RRAGC: variants seen among roughly 807,000 people sequenced by gnomAD.
RRAGC encodes the protein Ras related GTP binding C.
A neutral mutation model predicts 37.1 loss-of-function variants in RRAGC; 8 were observed. That is an observed-to-expected ratio of 0.22 (90% CI 0.13 to 0.39). RRAGC has a LOEUF of 0.39. Ranked by LOEUF, RRAGC falls within the 10% of genes least tolerant of loss-of-function variation. The pLI, the probability that RRAGC is intolerant of heterozygous loss-of-function variation, is 1.00. For missense variants in RRAGC, 342 were observed against 497.6 expected (o/e 0.69, Z 2.98); for synonymous variants, 190 against 181.1 (o/e 1.05, Z -0.39).
intron 6 of RRAGC, among the ~76,000 whole-genome samples, chr1:38,843,591 G>A (rs1264723974): frequency 6.6e-6 from 1 of 151,896 alleles, no homozygotes; most frequent in African/African-American, 2.4e-5. Context: ...GTGGTGGCAG[G>A]CATGTGTAGT....
intron 1 of RRAGC, 47 bp downstream of exon 1, chr1:38,859,363 C>A: frequency 1.3e-6 from 2 of 1,519,866 alleles, no homozygotes; most frequent in Non-Finnish European, 1.8e-6. Context: ...CTACCGGCCA[C>A]CTGAGAACCG....
intron 3 of RRAGC, among the ~76,000 whole-genome samples, chr1:38,854,196 T>C (rs1642139500): frequency 6.6e-6 from 1 of 151,248 alleles, no homozygotes; most frequent in African/African-American, 2.4e-5. Flanking sequence ...GCCTCCCAAG[T>C]AGCTGGGACT....
chr1:38,842,693 G>T (rs1425290086), intron 6 of RRAGC, among the ~76,000 whole-genome samples: 1 of 152,148 alleles, frequency 6.6e-6, no homozygotes, highest in Non-Finnish European at 1.5e-5. Flanking sequence ...TTCTCCACAC[G>T]TGCAAAGGCA....
rs555220653 is a variant in RRAGC, at chr1:38,853,708, T to C, written c.642-1220A>G. Among the ~76,000 whole-genome samples, 11 of 151,410 alleles carry C rather than the reference T, an allele frequency of 7.3e-5. No individual in the cohort carries two copies. In the East Asian group the frequency reaches 2.1e-3, roughly 30 times the overall value. ...GTTGCGGTGAGCCGAGATGGCATCA[T>C]TGCACTCCAGCCTGGGCAACAAGAG... On this transcript the variant is annotated intron_variant, in intron 3 of 6. Coordinates refer to ENST00000373001, the MANE Select transcript of RRAGC (RefSeq NM_022157.4).
intron 5 of RRAGC, among the ~76,000 whole-genome samples, chr1:38,851,241 A>G (rs967331674): frequency 2.6e-5 from 4 of 151,816 alleles, no homozygotes; most frequent in Admixed American, 1.3e-4. Context: ...CCTGAGGTTA[A>G]ATCAGGAACC....
intron 3 of RRAGC, among the ~76,000 whole-genome samples, chr1:38,853,239 G>C (rs548597928): frequency 3.9e-5 from 6 of 152,224 alleles, no homozygotes; most frequent in Non-Finnish European, 8.8e-5. Context: ...ATCTACAGGA[G>C]TCTGGAGGCC....
chr1:38,858,436 C>T (rs1557589295), intron 1 of RRAGC, among the ~76,000 whole-genome samples: 1 of 152,164 alleles, frequency 6.6e-6, no homozygotes, highest in African/African-American at 2.4e-5. Context: ...TGGTGACTCA[C>T]ACCTGTAATC....
chr1:38,851,789 T>A, intron 4 of RRAGC, 32 bp from the exon 5 acceptor site: 1 of 1,578,884 alleles, frequency 6.3e-7, no homozygotes, highest in Non-Finnish European at 8.6e-7. Flanking sequence ...CTGTTCAGTA[T>A]TTTTTAAGAA....
At chr1:38,842,547 A>C (rs1338770277) in intron 6 of RRAGC, among the ~76,000 whole-genome samples, 3 of 152,234 alleles carry the variant, frequency 2.0e-5, no homozygotes, top group Non-Finnish European at 4.4e-5. Context: ...AGAAGTGATA[A>C]GAACTTCCAC....
At chr1:38,859,387 G>A in intron 1 of RRAGC, 23 bp downstream of exon 1, 1 of 1,542,168 alleles carries the variant, frequency 6.5e-7, no homozygotes, top group Non-Finnish European at 8.8e-7. Flanking sequence ...AGGGGGCGGG[G>A]GACTGGGCGC....
chr1:38,855,614 C>G (rs1264797068), intron 3 of RRAGC, 94 bp downstream of exon 3: 14 of 992,078 alleles, frequency 1.4e-5, no homozygotes, highest in Non-Finnish European at 2.2e-5. Context: ...AAAGGGCACA[C>G]AGGTAGCAGA....
At chr1:38,855,646 C>T (rs1311007222) in intron 3 of RRAGC, 62 bp downstream of exon 3, 1 of 1,291,942 alleles carries the variant, frequency 7.7e-7, no homozygotes, top group East Asian at 2.3e-5. Flanking sequence ...TTTGTAATGA[C>T]AGAGATGGGA....
chr1:38,844,027 A>T (rs987405369), intron 6 of RRAGC, among the ~76,000 whole-genome samples: 1 of 152,158 alleles, frequency 6.6e-6, no homozygotes, highest in African/African-American at 2.4e-5. Flanking sequence ...TTTGGTGAAA[A>T]TTCAATATAA....
intron 6 of RRAGC, among the ~76,000 whole-genome samples, chr1:38,840,244 C>G (rs778308441): frequency 6.6e-6 from 1 of 152,084 alleles, no homozygotes; most frequent in Non-Finnish European, 1.5e-5. Flanking sequence ...AGACCATCAC[C>G]TTGGCCAAAT....
chr1:38,855,977 A>G (rs1642162618), intron 2 of RRAGC, 70 bp from the exon 3 acceptor site: 4 of 1,062,840 alleles, frequency 3.8e-6, no homozygotes, highest in Non-Finnish European at 2.8e-6. Context: ...AAAGCCTCAA[A>G]CCACCTCTTT....
intron 5 of RRAGC, among the ~76,000 whole-genome samples, chr1:38,850,648 A>G (rs1642089209): frequency 1.3e-5 from 2 of 152,320 alleles, no homozygotes; most frequent in South Asian, 4.1e-4. Context: ...AAATTAAGCA[A>G]AAGACCAAAA....
intron 6 of RRAGC, 152 bp downstream of exon 6, chr1:38,845,787 A>G (rs1395507004): frequency 6.7e-6 from 4 of 600,680 alleles, no homozygotes; most frequent in African/African-American, 1.9e-5. Context: ...TCTGGACTAT[A>G]CATGGAAGGA....
Position 38,859,673 on chromosome 1 carries a change from C to A in RRAGC, c.-27G>T. The A allele has an allele frequency of 6.6e-7, 1 of 1,526,284 alleles. No homozygotes were observed. The highest frequency in any genetic ancestry group is 8.8e-7 in the Non-Finnish European group (1 of 1,136,488). 94.5% of individuals were successfully genotyped at this position (1,526,284 alleles called of 1,614,324 possible). A position where few individuals can be genotyped will look rare whatever the true frequency, so the allele number is the denominator to read the frequency against. ...GTGCTGGAGCCGCCGCCGCCCGCGC[C>A]CTGACAGGCCAGGCCAGGCCGAGCC... On this transcript the variant is annotated 5_prime_UTR_variant, in exon 1 of 7. Coordinates refer to ENST00000373001, the MANE Select transcript of RRAGC (RefSeq NM_022157.4).
chr1:38,851,510 A>G lies in RRAGC; in HGVS notation c.899+105T>C, dbSNP rs552206172. 4.3e-5 allele frequency: 44 copies of G among 1,017,786 alleles called. No homozygotes were observed. In the African/African-American group the frequency reaches 6.3e-4, roughly 15 times the overall value. The allele number at this position is 1,017,786 out of a possible 1,614,324, so 63.0% of individuals were successfully genotyped here. A position where few individuals can be genotyped will look rare whatever the true frequency, so the allele number is the denominator to read the frequency against. On this transcript the variant is annotated intron_variant, in intron 5 of 6. Coordinates refer to ENST00000373001, the MANE Select transcript of RRAGC (RefSeq NM_022157.4). Reference sequence around the variant, plus strand: ...ACTATGGTCAGAACAATCCCAGTTCATGTAGTACCACTTGCCAGGGGCCTC... The same window carrying G: ...ACTATGGTCAGAACAATCCCAGTTCGTGTAGTACCACTTGCCAGGGGCCTC...
Sources: allele counts gnomAD v4.1 joint callset (sites outside exome capture counted in the v4.1 genomes callset), GRCh38; gene constraint gnomAD v4.1.1; transcripts MANE v1.5; gene names NCBI Gene and HGNC (gene_info 2026-07-23, HGNC 2026-07-21).